The following QRFPR variants were observed in gnomAD, a reference collection of about 807,000 sequenced individuals.
The protein encoded by QRFPR is pyroglutamylated RF-amide peptide receptor.
In QRFPR, 37 loss-of-function variants were observed where a neutral mutation model predicts 31.3. The ratio of observed to expected loss-of-function variants is 1.18; its 90% CI spans 0.91 to 1.56. QRFPR has a LOEUF of 1.56. QRFPR is among the 40% of genes most tolerant of loss of function. The pLI is 0.00. For missense variants in QRFPR, 542 were observed against 532.5 expected, an observed-to-expected ratio of 1.02 and a Z score of -0.18; for synonymous variants, 197 against 192.0, an observed-to-expected ratio of 1.03 and a Z score of -0.22.
Position 121,369,677 on chromosome 4 carries a change from C to T in QRFPR, c.340+10631G>A, listed in dbSNP as rs117168364. The T allele has an allele frequency of 8.9e-5, 140 of 1,578,016 alleles. No homozygotes were observed. The East Asian group carries it at 3.1e-3, about 35-fold the overall frequency. On this transcript the variant is annotated intron_variant, in intron 1 of 5. Transcript: ENST00000394427. The stretch of plus-strand genomic sequence containing the variant: ...CTGAAGGGATCTCAGTCCAAAGAGG[C>T]CCCACTTATCTGACAAGTTTCTGTC...
At chr4:121,346,577 C>A (rs762156718) in intron 1 of QRFPR, among the ~76,000 whole-genome samples, 33 of 152,292 alleles carry the variant, frequency 2.2e-4, no homozygotes, top group Non-Finnish European at 4.3e-4. Flanking sequence ...TGCAATTTTG[C>A]ATAAGAGTGG....
chr4:121,368,736 C>A (rs369394264), intron 1 of QRFPR, among the ~76,000 whole-genome samples: 1 of 151,604 alleles, frequency 6.6e-6, no homozygotes, highest in Non-Finnish European at 1.5e-5. Flanking sequence ...AGCACCTCTA[C>A]GCCATGATTT....
intron 1 of QRFPR, among the ~76,000 whole-genome samples, chr4:121,345,009 CA>C (rs1446895528): frequency 8.5e-5 from 13 of 152,264 alleles, no homozygotes; most frequent in African/African-American, 2.6e-4. Flanking sequence ...ATGTTAGTAT[CA>C]CAGTTGTGCT....
intron 1 of QRFPR, among the ~76,000 whole-genome samples, chr4:121,354,573 G>A (rs556324913): frequency 7.2e-5 from 11 of 151,782 alleles, no homozygotes; most frequent in African/African-American, 2.7e-4. Context: ...GCTCTGTCTA[G>A]GACTTCTAGT....
chr4:121,365,470 A>T lies in QRFPR; in HGVS notation c.340+14838T>A, dbSNP rs537974355. 9.9e-3 allele frequency among the ~76,000 whole-genome samples: 821 copies of T among 83,020 alleles called. 30 individuals carry two copies. The highest frequency in any genetic ancestry group is 0.022 in the South Asian group (64 of 2,896). 54.5% of individuals were successfully genotyped at this position (83,020 alleles called of 152,430 possible). A position where few individuals can be genotyped will look rare whatever the true frequency, so the allele number is the denominator to read the frequency against. Reference sequence around the variant, plus strand: ...CTCCATCTCAAAAATAATAATAAATAAATTAATTAATTAATTAAATTATAT... The same window carrying T: ...CTCCATCTCAAAAATAATAATAAATTAATTAATTAATTAATTAAATTATAT... On this transcript the variant is annotated intron_variant, in intron 1 of 5. Coordinates refer to ENST00000394427, the MANE Select transcript of QRFPR (RefSeq NM_198179.3).
At chr4:121,344,788 G>T (rs1006025665) in intron 1 of QRFPR, among the ~76,000 whole-genome samples, 1 of 151,980 alleles carries the variant, frequency 6.6e-6, no homozygotes, top group Non-Finnish European at 1.5e-5. Flanking sequence ...TCTTGTTCTG[G>T]TAATCTCTCT....
At chr4:121,353,405 C>T (rs1368229726) in intron 1 of QRFPR, among the ~76,000 whole-genome samples, 7 of 152,060 alleles carry the variant, frequency 4.6e-5, no homozygotes, top group Admixed American at 2.0e-4. Flanking sequence ...TGGATGAAAG[C>T]CATCTTAACT....
chr4:121,362,319 AT>A (rs34325960), intron 1 of QRFPR, among the ~76,000 whole-genome samples: 42,139 of 148,294 alleles, frequency 0.28, 8,193 homozygotes, highest in Non-Finnish European at 0.37. Context: ...TTTTAAAAGC[AT>A]TTTTTTTTCT....
In QRFPR at chr4:121,329,470, C is replaced by G. The variant is rs767625692; in HGVS notation, c.1140G>C (p.Glu380Asp). The change falls in exon 6 of 6, where the codon GAG becomes GAC. Residue 380 changes from glutamate (E) to aspartate (D), a missense_variant. Glu to Asp is a conservative substitution (Grantham distance 45, BLOSUM62 2). Coordinates refer to ENST00000394427, the MANE Select transcript of QRFPR (RefSeq NM_198179.3). ...CTCCTTTGGTTTCCTCCACTGGATT[C>G]TCTCTGAGGGAAAACTTTGCTTTCT... ...MRKKAKFSLR[E>D]NPVEETKGEA... is the part of the protein sequence containing the mutation. 1 of 1,614,164 alleles carries G rather than the reference C, an allele frequency of 6.2e-7. No homozygotes were observed. The highest frequency in any genetic ancestry group is 8.5e-7 in the Non-Finnish European group (1 of 1,180,014).
intron 1 of QRFPR, among the ~76,000 whole-genome samples, chr4:121,378,172 C>G (rs566505252): frequency 8.5e-5 from 13 of 152,308 alleles, no homozygotes; most frequent in East Asian, 5.8e-4. Flanking sequence ...CTTTTACTAA[C>G]ACACTTTATT....
At chr4:121,336,606 A>G (rs1725441788) in intron 3 of QRFPR, among the ~76,000 whole-genome samples, 1 of 152,218 alleles carries the variant, frequency 6.6e-6, no homozygotes, top group Non-Finnish European at 1.5e-5. Context: ...TTAGAGTCCT[A>G]ACAATGTATC....
intron 1 of QRFPR, among the ~76,000 whole-genome samples, chr4:121,364,184 G>A (rs1383297338): frequency 4.0e-5 from 6 of 149,830 alleles, no homozygotes; most frequent in African/African-American, 1.5e-4. Context: ...CATGCCTACA[G>A]TCCAGGGTGG....
At chr4:121,352,128 T>A (rs990072052) in intron 1 of QRFPR, among the ~76,000 whole-genome samples, 12 of 152,148 alleles carry the variant, frequency 7.9e-5, no homozygotes, top group African/African-American at 2.9e-4. Context: ...TTTCTTTACA[T>A]GTATTTGTTC....
chr4:121,336,714 C>T (rs1246141580), intron 3 of QRFPR, 93 bp downstream of exon 3: 1 of 960,908 alleles, frequency 1.0e-6, no homozygotes, highest in Non-Finnish European at 1.7e-6. Context: ...TACAAATTTG[C>T]TGTATTGCTC....
At chr4:121,369,666 G>T (rs752499412) in intron 1 of QRFPR, 25 of 1,582,352 alleles carry the variant, frequency 1.6e-5, no homozygotes, top group Non-Finnish European at 1.9e-5. Context: ...AGGGATCTCA[G>T]TCCAAAGAGG....
intron 1 of QRFPR, among the ~76,000 whole-genome samples, chr4:121,349,116 A>G (rs1031263213): frequency 4.7e-5 from 3 of 64,098 alleles, no homozygotes; most frequent in Admixed American, 3.1e-4. Flanking sequence ...ATAAAGTAAA[A>G]TAAAATAAAA....
chr4:121,373,029 G>C (rs963534934), intron 1 of QRFPR, among the ~76,000 whole-genome samples: 5 of 152,134 alleles, frequency 3.3e-5, no homozygotes, highest in African/African-American at 1.2e-4. Context: ...CCCTAACTCT[G>C]ACCTTTTCAG....
In QRFPR at chr4:121,373,451, C is replaced by T. The variant is rs144738728; in HGVS notation, c.340+6857G>A. Among the ~76,000 whole-genome samples, 637 of 152,314 alleles carry T rather than the reference C, an allele frequency of 4.2e-3. 1 individual carries two copies. Among genetic ancestry groups the T allele is most frequent in the Middle Eastern group, 6.8e-3 (2 of 294 alleles). On this transcript the variant is annotated intron_variant, in intron 1 of 5. Transcript: ENST00000394427. ...TGACTTTATTTCCAAACTACTGTTG[C>T]TGTTGGACCTCTGTTTAATTTACAT...
At chr4:121,335,380 C>T (rs1358467800) in intron 3 of QRFPR, among the ~76,000 whole-genome samples, 4 of 152,028 alleles carry the variant, frequency 2.6e-5, no homozygotes, top group Non-Finnish European at 4.4e-5. Flanking sequence ...CATCCTCAGA[C>T]AGGAGCTGGC....
Sources: gnomAD v4.1 joint callset for allele counts (sites outside exome capture counted in the v4.1 genomes callset) on GRCh38, gnomAD v4.1.1 for gene constraint, MANE v1.5 for transcripts, NCBI Gene and HGNC (gene_info 2026-07-23, HGNC 2026-07-21) for gene names.